NSD1: variants seen among roughly 807,000 people sequenced by gnomAD.
The protein encoded by NSD1 is nuclear receptor binding SET domain protein 1.
Under a neutral mutation model 242.7 loss-of-function variants are expected in NSD1, and 26 were observed. The ratio of observed to expected loss-of-function variants is 0.11; its 90% CI spans 0.08 to 0.15. NSD1 has a LOEUF of 0.15. Ranked by LOEUF, NSD1 falls within the 10% of genes least tolerant of loss-of-function variation. The probability of loss-of-function intolerance (pLI) is 1.00; values close to 1 mark genes in which losing one functional copy is unlikely to be tolerated. For missense variants in NSD1, 2,495 were observed against 3,272.8 expected (o/e 0.76, Z 5.80); for synonymous variants, 1,106 against 1,178.1 (o/e 0.94, Z 1.25).
chr5:177,232,936 G>A (rs1765168518), intron 5 of NSD1, among the ~76,000 whole-genome samples: 1 of 152,178 alleles, frequency 6.6e-6, no homozygotes, highest in African/African-American at 2.4e-5. Context: ...TGATGAGACA[G>A]GCCCTACAGG....
At chr5:177,185,522 CA>C (rs1296920867) in intron 2 of NSD1, among the ~76,000 whole-genome samples, 2 of 150,322 alleles carry the variant, frequency 1.3e-5, no homozygotes, top group Non-Finnish European at 2.9e-5. Context: ...CGCTTGAACC[CA>C]GGAGGCGGAG....
rs150300270 is a variant in NSD1, at chr5:177,153,922, C to G, written c.927+17892C>G. On this transcript the variant is annotated intron_variant, in intron 2 of 22. Transcript: ENST00000439151. ...GTTATCCCTTCTGCGTAACAGACCC[C>G]TAAGTGTAGCAGCTTAGAGGAGTAA... 4.3e-3 allele frequency among the ~76,000 whole-genome samples: 662 copies of G among 152,222 alleles called. 9 individuals carry two copies. Among genetic ancestry groups the G allele is most frequent in the African/African-American group, 0.015 (615 of 41,544 alleles).
intron 2 of NSD1, among the ~76,000 whole-genome samples, chr5:177,172,004 T>C (rs1442452325): frequency 2.0e-5 from 3 of 152,252 alleles, no homozygotes; most frequent in Admixed American, 6.5e-5. Context: ...AATTCCATAC[T>C]TAACTCTTAG....
chr5:177,290,421 T>C (rs1435724329), intron 21 of NSD1, among the ~76,000 whole-genome samples: 2 of 151,482 alleles, frequency 1.3e-5, no homozygotes, highest in African/African-American at 4.9e-5. Flanking sequence ...TTTTTTTTTT[T>C]TTTTGAGACG....
intron 3 of NSD1, among the ~76,000 whole-genome samples, chr5:177,199,770 A>G (rs532727171): frequency 6.6e-6 from 1 of 151,148 alleles, no homozygotes; most frequent in South Asian, 2.1e-4. Flanking sequence ...CGGCTAATTT[A>G]ATTTTTAGTA....
rs1268916965 is a variant in NSD1 at position 177,211,244 on chromosome 5, C to A, written c.2845C>A (p.Pro949Thr). 6.2e-7 allele frequency: 1 copy of A among 1,613,986 alleles called. No individual in the cohort carries two copies. Among genetic ancestry groups the A allele is most frequent in the South Asian group, 1.1e-5 (1 of 91,072 alleles). The change falls in exon 5 of 23, where the codon CCT becomes ACT. Residue 949 changes from proline (P) to threonine (T), a missense_variant. Transcript: ENST00000439151. Reference sequence around the variant, plus strand: ...TCGTGGGGACTGTTCTACTAATAGTCCTGTAGGAGTCTCTAAGGTTTTGGT... The same window carrying A: ...TCGTGGGGACTGTTCTACTAATAGTACTGTAGGAGTCTCTAAGGTTTTGGT... ...PGRGDCSTNS[P>T]VGVSKVLVSG... is the part of the protein sequence containing the mutation.
At position 177,297,638 on chromosome 5, in the gene NSD1, T is replaced by C. The variant is rs1760333008; in HGVS notation, c.*2179T>C. 1 of 121,596 alleles carries C rather than the reference T, an allele frequency of 8.2e-6. No homozygotes were observed. The highest frequency in any genetic ancestry group is 3.4e-5 in the African/African-American group (1 of 29,690). The allele number at this position is 121,596 out of a possible 1,614,324, so 7.5% of individuals were successfully genotyped here. A position where few individuals can be genotyped will look rare whatever the true frequency, so the allele number is the denominator to read the frequency against. ...TGTTAAATTACCGTAGCTCTTTGTT[T>C]CATGAAATAAACTGTGAATTTGGGG... is the stretch of plus-strand genomic sequence containing the variant. On this transcript the variant is annotated 3_prime_UTR_variant, in exon 23 of 23. Coordinates refer to ENST00000439151, the MANE Select transcript of NSD1 (RefSeq NM_022455.5).
intron 2 of NSD1, among the ~76,000 whole-genome samples, chr5:177,161,390 G>C (rs1291591727): frequency 6.6e-6 from 1 of 151,786 alleles, no homozygotes; most frequent in African/African-American, 2.4e-5. Context: ...AAAAAATTCA[G>C]TGTGGCGTGA....
At chr5:177,151,377 C>A (rs1757683593) in intron 2 of NSD1, among the ~76,000 whole-genome samples, 1 of 152,060 alleles carries the variant, frequency 6.6e-6, no homozygotes, top group African/African-American at 2.4e-5. Context: ...CAGCGAGACT[C>A]AGTCTTTTTT....
rs1333782384 is a variant in NSD1, at chr5:177,269,854, C to T, written c.5509+47C>T. The stretch of plus-strand genomic sequence containing the variant: ...CTCAGGCAAACACAGACCTCTGTTA[C>T]CTGAGTGTCTGATCTGTTTTAGAAT... On this transcript the variant is annotated intron_variant, in intron 16 of 22. Coordinates refer to ENST00000439151, the MANE Select transcript of NSD1 (RefSeq NM_022455.5). This position sits in a 1 kb window ranked among gnomAD's most constrained non-coding sequence, Gnocchi z 5.1. 2 of 1,500,766 alleles carry T rather than the reference C, an allele frequency of 1.3e-6. No individual in the cohort carries two copies. The highest frequency in any genetic ancestry group is 1.8e-6 in the Non-Finnish European group (2 of 1,090,986). 93.0% of individuals were successfully genotyped at this position (1,500,766 alleles called of 1,614,324 possible). A position where few individuals can be genotyped will look rare whatever the true frequency, so the allele number is the denominator to read the frequency against.
At chr5:177,155,733 C>G (rs540666085) in intron 2 of NSD1, among the ~76,000 whole-genome samples, 1 of 152,078 alleles carries the variant, frequency 6.6e-6, no homozygotes, top group East Asian at 1.9e-4. Flanking sequence ...GTCGCCCAGG[C>G]TAGAGTGCAA....
At chr5:177,158,306 CTTTCTTTT>C (rs1562130808) in intron 2 of NSD1, among the ~76,000 whole-genome samples, 59 of 125,988 alleles carry the variant, frequency 4.7e-4, no homozygotes, top group African/African-American at 1.8e-3. Flanking sequence ...TCTTTCTTTT[CTTTCTTTT>C]CTTTCTTTTC....
rs1206368692 is a variant in NSD1 at position 177,138,075 on chromosome 5, C to CA, written c.927+2056dup. Among the ~76,000 whole-genome samples, 466 of 130,320 alleles carry CA rather than the reference C, an allele frequency of 3.6e-3. 1 individual carries two copies. The highest frequency in any genetic ancestry group is 3.9e-3 in the Non-Finnish European group (242 of 61,572). The allele number at this position is 130,320 out of a possible 152,430, so 85.5% of individuals were successfully genotyped here. ...GGGAAATAAGAGTGAAACTCTGTCT[C>CA]AAAAAAAAAAACAACAAAAAAACAA... is the stretch of plus-strand genomic sequence containing the variant. On this transcript the variant is annotated intron_variant, in intron 2 of 22. Transcript: ENST00000439151.
chr5:177,142,610 T>C (rs993954429), intron 2 of NSD1, among the ~76,000 whole-genome samples: 4 of 152,234 alleles, frequency 2.6e-5, no homozygotes, highest in African/African-American at 9.6e-5. Context: ...GGTATAAAGA[T>C]AGGCTTATAT....
chr5:177,187,437 T>C (rs1761328677), intron 2 of NSD1, among the ~76,000 whole-genome samples: 1 of 152,158 alleles, frequency 6.6e-6, no homozygotes, highest in Non-Finnish European at 1.5e-5. Context: ...TCAGTTTCTT[T>C]ATCTGCAAAA....
At position 177,212,037 on chromosome 5, in the gene NSD1, T is replaced by C. The variant is rs1763386392; in HGVS notation, c.3638T>C (p.Ile1213Thr). 2 of 1,613,982 alleles carry C rather than the reference T, an allele frequency of 1.2e-6. No homozygotes were observed. Among genetic ancestry groups the C allele is most frequent in the Admixed American group, 1.7e-5 (1 of 59,982 alleles). Residue 1213 changes from isoleucine to threonine, a missense_variant, in exon 5 of 23, where the codon ATA becomes ACA. Ile to Thr is a moderately conservative substitution (Grantham distance 89). Around this residue, in one of 19 missense-constraint regions of NSD1, gnomAD observed 426 missense variants for 411.4 expected, o/e 1.04. Coordinates refer to ENST00000439151, the MANE Select transcript of NSD1 (RefSeq NM_022455.5). ...GAGCATAGAACTCCTTCAGCAAGCA[T>C]ACTTGAGGAACCACTGACAGAGCAA... is the stretch of plus-strand genomic sequence containing the variant. ...FPEHRTPSAS[I>T]LEEPLTEQNH...
At chr5:177,223,344 G>A (rs1484419694) in intron 5 of NSD1, among the ~76,000 whole-genome samples, 1 of 152,058 alleles carries the variant, frequency 6.6e-6, no homozygotes, top group African/African-American at 2.4e-5. Context: ...AGGCTGATGC[G>A]GGCAGATCAC....
intron 2 of NSD1, among the ~76,000 whole-genome samples, chr5:177,186,029 AT>A (rs565401593): frequency 0.034 from 3,451 of 102,212 alleles, 68 homozygotes; most frequent in South Asian, 0.068. Context: ...TATATTATAT[AT>A]TTTTTATATA....
At chr5:177,137,135 C>T (rs1437487771) in intron 2 of NSD1, 3 of 398,626 alleles carry the variant, frequency 7.5e-6, no homozygotes, top group African/African-American at 6.2e-5. Flanking sequence ...GACTTTCTAG[C>T]TAAATGATCA....
Sources: gnomAD v4.1 joint callset for allele counts (sites outside exome capture counted in the v4.1 genomes callset) on GRCh38, gnomAD v4.1.1 for gene constraint, gnomAD v4.1.1 regional missense constraint, Gnocchi (gnomAD v3.1) non-coding constraint, MANE v1.5 for transcripts, NCBI Gene and HGNC (gene_info 2026-07-23, HGNC 2026-07-21) for gene names.